The following MSRB3 variants were observed in gnomAD, a reference collection of about 807,000 sequenced individuals.
The protein encoded by MSRB3 is methionine sulfoxide reductase B3.
Under a neutral mutation model 21.0 loss-of-function variants are expected in MSRB3, and 13 were observed. The ratio of observed to expected loss-of-function variants is 0.62; its 90% CI spans 0.40 to 0.98. The LOEUF (loss-of-function observed/expected upper bound fraction) is 0.98, where lower values mean the gene tolerates loss of function less well. MSRB3 is among the 50% of genes least tolerant of loss of function. The pLI, the probability that MSRB3 is intolerant of heterozygous loss-of-function variation, is 0.00. For synonymous variants in MSRB3, 87 were observed against 88.6 expected (o/e 0.98, Z 0.10); for missense variants, 199 against 230.3 (o/e 0.86, Z 0.88).
chr12:65,289,364 C>T (rs987065242), intron 1 of MSRB3, among the ~76,000 whole-genome samples: 11 of 152,050 alleles, frequency 7.2e-5, no homozygotes, highest in Non-Finnish European at 1.5e-4. Context: ...CATGGTGGCA[C>T]GTGCCTGTAG....
chr12:65,440,030 G>A (rs999886159), intron 5 of MSRB3, among the ~76,000 whole-genome samples: 6 of 151,868 alleles, frequency 4.0e-5, no homozygotes, highest in South Asian at 4.2e-4. Flanking sequence ...GAGCAGACTC[G>A]TAGACAACAG....
intron 1 of MSRB3, chr12:65,279,266 G>C (rs903376314): frequency 1.6e-5 from 3 of 183,618 alleles, no homozygotes; most frequent in Admixed American, 6.3e-5. Context: ...TCTGTGCGTC[G>C]ACCCTGCCGG....
At chr12:65,307,139 G>C (rs1217255032) in intron 1 of MSRB3, 1 of 614,566 alleles carries the variant, frequency 1.6e-6, no homozygotes, top group African/African-American at 2.0e-5. Flanking sequence ...TTATTAGTCA[G>C]TAGTCTGCTC....
intron 4 of MSRB3, among the ~76,000 whole-genome samples, chr12:65,361,127 C>T (rs1396605655): frequency 6.6e-6 from 1 of 151,908 alleles, no homozygotes; most frequent in Non-Finnish European, 1.5e-5. Flanking sequence ...TATGATATTA[C>T]TAATTGTACT....
chr12:65,378,598 T>C (rs1878768865), intron 5 of MSRB3, among the ~76,000 whole-genome samples: 1 of 152,224 alleles, frequency 6.6e-6, no homozygotes. Context: ...TGGCCATTAG[T>C]AGGCCATTAA....
chr12:65,354,212 G>T (rs990132875), intron 4 of MSRB3, among the ~76,000 whole-genome samples: 2 of 151,896 alleles, frequency 1.3e-5, no homozygotes, highest in Admixed American at 6.6e-5. Context: ...TCTTGGAGTT[G>T]CTCTTCTCGA....
intron 5 of MSRB3, among the ~76,000 whole-genome samples, chr12:65,452,922 G>A (rs1882920908): frequency 6.6e-6 from 1 of 152,062 alleles, no homozygotes; most frequent in South Asian, 2.1e-4. Flanking sequence ...GACATATTTT[G>A]GGGAAACATA....
At chr12:65,346,971 C>A (rs577249518) in intron 4 of MSRB3, among the ~76,000 whole-genome samples, 1 of 152,236 alleles carries the variant, frequency 6.6e-6, no homozygotes, top group South Asian at 2.1e-4. Context: ...CAGTGCCATG[C>A]TGTTTTGTTA....
intron 5 of MSRB3, among the ~76,000 whole-genome samples, chr12:65,449,100 C>T (rs1882744119): frequency 6.6e-6 from 1 of 152,066 alleles, no homozygotes; most frequent in Non-Finnish European, 1.5e-5. Context: ...GCGATCTCGG[C>T]TCACTGCAAG....
At chr12:65,332,150 A>C (rs1346548372) in intron 4 of MSRB3, among the ~76,000 whole-genome samples, 1 of 152,186 alleles carries the variant, frequency 6.6e-6, no homozygotes, top group Non-Finnish European at 1.5e-5. Flanking sequence ...CACAAAGTCT[A>C]TTTTTTAATA....
At chr12:65,301,897 T>C (rs1435740546) in intron 1 of MSRB3, among the ~76,000 whole-genome samples, 1 of 152,128 alleles carries the variant, frequency 6.6e-6, no homozygotes. Flanking sequence ...GATTCAGTTG[T>C]TTTCTATTAA....
At chr12:65,404,017 G>T (rs892860121) in intron 5 of MSRB3, among the ~76,000 whole-genome samples, 2 of 152,188 alleles carry the variant, frequency 1.3e-5, no homozygotes, top group Non-Finnish European at 2.9e-5. Flanking sequence ...CATTGATCTC[G>T]CTGGAAGCTG....
chr12:65,450,439 C>A (rs781516020), intron 5 of MSRB3, among the ~76,000 whole-genome samples: 3 of 152,018 alleles, frequency 2.0e-5, no homozygotes, highest in Non-Finnish European at 4.4e-5. Flanking sequence ...AGGCTAATAT[C>A]TAAAAAGTAC....
chr12:65,453,359 A>G (rs1882943092), intron 5 of MSRB3, among the ~76,000 whole-genome samples: 1 of 152,184 alleles, frequency 6.6e-6, no homozygotes, highest in Non-Finnish European at 1.5e-5. Flanking sequence ...TTTGGAAAAC[A>G]TCGTAATGGA....
chr12:65,294,432 T>A (rs1387962854), intron 1 of MSRB3, among the ~76,000 whole-genome samples: 1 of 152,232 alleles, frequency 6.6e-6, no homozygotes, highest in Non-Finnish European at 1.5e-5. Flanking sequence ...TCAAAGTGGG[T>A]TTATTCTTTT....
chr12:65,413,639 G>C (rs1052380188), intron 5 of MSRB3, among the ~76,000 whole-genome samples: 4 of 152,142 alleles, frequency 2.6e-5, no homozygotes, highest in African/African-American at 9.7e-5. Context: ...ATTGGTGCTT[G>C]ATGTACGTTA....
chr12:65,385,785 C>G (rs1348899298), intron 5 of MSRB3, among the ~76,000 whole-genome samples: 1 of 151,824 alleles, frequency 6.6e-6, no homozygotes, highest in Non-Finnish European at 1.5e-5. Context: ...ATCTTGTTTC[C>G]TCTTTATTAT....
intron 3 of MSRB3, among the ~76,000 whole-genome samples, chr12:65,327,596 T>C (rs1763896319): frequency 6.6e-6 from 1 of 152,216 alleles, no homozygotes; most frequent in Non-Finnish European, 1.5e-5. Flanking sequence ...CCGACGACTT[T>C]GTTGTCTAAT....
intron 5 of MSRB3, among the ~76,000 whole-genome samples, chr12:65,413,691 A>T (rs1002740741): frequency 2.0e-5 from 3 of 152,108 alleles, no homozygotes; most frequent in Non-Finnish European, 4.4e-5. Flanking sequence ...GTGGATCTTA[A>T]ATTCTAGTTG....
Sources: allele counts gnomAD v4.1 joint callset (sites outside exome capture counted in the v4.1 genomes callset), GRCh38; gene constraint gnomAD v4.1.1; transcripts MANE v1.5; gene names NCBI Gene and HGNC (gene_info 2026-07-23, HGNC 2026-07-21).